Variants in TRDN observed in about 807,000 individuals in gnomAD.
The protein encoded by TRDN is triadin in skeletal muscle.
Under a neutral mutation model 149.7 loss-of-function variants are expected in TRDN, and 161 were observed. The ratio of observed to expected loss-of-function variants is 1.08; its 90% CI spans 0.95 to 1.23. The LOEUF (loss-of-function observed/expected upper bound fraction) is 1.23. TRDN is among the 50% of genes most tolerant of loss of function. The pLI is 0.00. For missense variants in TRDN, 896 were observed against 823.5 expected (o/e 1.09, Z -1.08); for synonymous variants, 294 against 250.5 (o/e 1.17, Z -1.64).
At chr6:123,304,442 T>C (rs1280167872) in intron 24 of TRDN, among the ~76,000 whole-genome samples, 2 of 151,784 alleles carry the variant, frequency 1.3e-5, no homozygotes, top group Non-Finnish European at 2.9e-5. Context: ...TTAGTACAGA[T>C]GCAGTTTCAC....
At chr6:123,435,974 AACCAAG>A (rs1188515725) in intron 12 of TRDN, among the ~76,000 whole-genome samples, 1 of 151,808 alleles carries the variant, frequency 6.6e-6, no homozygotes, top group Non-Finnish European at 1.5e-5. Flanking sequence ...AAAAAGCTAA[AACCAAG>A]CCAAACACAC....
intron 9 of TRDN, among the ~76,000 whole-genome samples, chr6:123,482,994 G>A (rs1656048503): frequency 6.6e-6 from 1 of 151,652 alleles, no homozygotes; most frequent in Non-Finnish European, 1.5e-5. Flanking sequence ...ATTTGGAAGA[G>A]AACACAGTGG....
At chr6:123,384,698 A>G (rs1781842299) in intron 14 of TRDN, among the ~76,000 whole-genome samples, 1 of 152,188 alleles carries the variant, frequency 6.6e-6, no homozygotes, top group Admixed American at 6.5e-5. Context: ...ATAAAACACG[A>G]TATGAAGTCC....
At position 123,442,553 on chromosome 6, in the gene TRDN, A is replaced by G. The variant is rs1482730234; in HGVS notation, c.932-3550T>C. Among the ~76,000 whole-genome samples the G allele has an allele frequency of 3.9e-3, 501 of 127,126 alleles. 32 individuals carry two copies. The East Asian group carries it at 0.16, about 42-fold the overall frequency. The allele number at this position is 127,126 out of a possible 152,430, so 83.4% of individuals were successfully genotyped here. A position where few individuals can be genotyped will look rare whatever the true frequency, so the allele number is the denominator to read the frequency against. On this transcript the variant is annotated intron_variant, in intron 10 of 40. Coordinates refer to ENST00000334268, the MANE Select transcript of TRDN (RefSeq NM_006073.4). ...AGAGCGAGACTCCGTCTCAAAAAAA[A>G]AAAAAAAAGAAAAAAAAAAAAAGTC...
chr6:123,268,028 A>T (rs1234217372), intron 31 of TRDN, among the ~76,000 whole-genome samples: 2 of 152,126 alleles, frequency 1.3e-5, no homozygotes, highest in African/African-American at 4.8e-5. Context: ...AAGAGGATAG[A>T]ATATGGCAAA....
chr6:123,380,136 C>T (rs1333600406), intron 16 of TRDN, among the ~76,000 whole-genome samples: 7 of 152,104 alleles, frequency 4.6e-5, no homozygotes, highest in African/African-American at 1.7e-4. Context: ...TATTTCTTCT[C>T]CTTATTGCTG....
rs1197504661 is a variant in TRDN, at chr6:123,366,125, C to T, written c.1321+10G>A. On this transcript the variant is annotated intron_variant, in intron 20 of 40. Coordinates refer to ENST00000334268, the MANE Select transcript of TRDN (RefSeq NM_006073.4). ...TAGTTATGACATCTTTATCTTTAAG[C>T]TGCATTTACCTTTTTTAATTGAAAC... 1 of 1,608,438 alleles carries T rather than the reference C, an allele frequency of 6.2e-7. No individual in the cohort carries two copies. The highest frequency in any genetic ancestry group is 1.3e-5 in the African/African-American group (1 of 74,914).
In TRDN at chr6:123,497,208, C is replaced by T; in HGVS notation, c.838G>A (p.Gly280Arg). 6.4e-7 allele frequency: 1 copy of T among 1,557,456 alleles called. No individual in the cohort carries two copies. Among genetic ancestry groups the T allele is most frequent in the South Asian group, 1.2e-5 (1 of 82,982 alleles). Reference protein sequence around the residue: ...CRYMIDIFVHGDLKPGQSPAI... With the variant: ...CRYMIDIFVHRDLKPGQSPAI... ...CTTGGAATACCTGGTTTTAAATCCC[C>T]ATGGACAAATATGTCAATCATATAT... Residue 280 changes from glycine (G) to arginine (R), a missense_variant, in exon 9 of 41, where the codon GGG (glycine) becomes AGG (arginine). Gly to Arg is a moderately radical substitution (Grantham distance 125). Coordinates refer to ENST00000334268, the MANE Select transcript of TRDN (RefSeq NM_006073.4).
At chr6:123,616,823 G>C (rs1337942248) in intron 1 of TRDN, among the ~76,000 whole-genome samples, 2 of 151,630 alleles carry the variant, frequency 1.3e-5, no homozygotes, top group Admixed American at 1.3e-4. Flanking sequence ...ATATCTTCTT[G>C]TATCCCACAT....
intron 4 of TRDN, among the ~76,000 whole-genome samples, chr6:123,547,023 T>C (rs1039445658): frequency 6.6e-6 from 1 of 152,108 alleles, no homozygotes; most frequent in Non-Finnish European, 1.5e-5. Context: ...GAATAAATCA[T>C]GGGTGTCATT....
chr6:123,614,944 T>C (rs1198003357), intron 1 of TRDN, among the ~76,000 whole-genome samples: 1 of 151,870 alleles, frequency 6.6e-6, no homozygotes, highest in Non-Finnish European at 1.5e-5. Context: ...ACTCAAACAA[T>C]AGCAAAAACA....
intron 12 of TRDN, among the ~76,000 whole-genome samples, chr6:123,397,873 GA>G (rs1772798567): frequency 1.3e-5 from 2 of 152,182 alleles, no homozygotes; most frequent in Non-Finnish European, 2.9e-5. Context: ...GAGCATGTTT[GA>G]GATAAACATT....
intron 9 of TRDN, among the ~76,000 whole-genome samples, chr6:123,485,737 C>G (rs1397863832): frequency 6.6e-6 from 1 of 151,974 alleles, no homozygotes; most frequent in Non-Finnish European, 1.5e-5. Context: ...TACATTAACC[C>G]TATAAAGTTA....
intron 24 of TRDN, among the ~76,000 whole-genome samples, chr6:123,296,961 A>C (rs930863358): frequency 1.3e-5 from 2 of 152,108 alleles, no homozygotes; most frequent in African/African-American, 4.8e-5. Context: ...AAGTGACCTG[A>C]TAGATAAGAA....
Position 123,579,007 on chromosome 6 carries a change from G to T in TRDN, c.23-7875C>A, listed in dbSNP as rs1189606448. On this transcript the variant is annotated intron_variant, in intron 1 of 40. Coordinates refer to ENST00000334268, the MANE Select transcript of TRDN (RefSeq NM_006073.4). ...ATTTTTGTACATTACTTTGTATTCT[G>T]ACATTTTGCTGAAGTTGTTTATCAG... Among the ~76,000 whole-genome samples the T allele has an allele frequency of 2.6e-5, 4 of 152,234 alleles. No individual in the cohort carries two copies. In the East Asian group the frequency reaches 7.7e-4, roughly 29 times the overall value.
At chr6:123,497,510 T>C (rs543730969) in intron 8 of TRDN, among the ~76,000 whole-genome samples, 2 of 152,298 alleles carry the variant, frequency 1.3e-5, no homozygotes, top group East Asian at 1.9e-4. Context: ...CTTATAGTGG[T>C]TGTTTTCAAA....
chr6:123,430,539 GC>G (rs1446915758), intron 12 of TRDN, among the ~76,000 whole-genome samples: 1 of 151,786 alleles, frequency 6.6e-6, no homozygotes, highest in Non-Finnish European at 1.5e-5. Context: ...CCGAGATCGC[GC>G]CACTGCACTC....
intron 22 of TRDN, among the ~76,000 whole-genome samples, chr6:123,337,136 A>G (rs903947933): frequency 6.6e-6 from 1 of 152,042 alleles, no homozygotes; most frequent in Non-Finnish European, 1.5e-5. Flanking sequence ...TATGCCTCAG[A>G]GCATTTGAAA....
At chr6:123,416,925 G>A (rs1233315930) in intron 12 of TRDN, among the ~76,000 whole-genome samples, 1 of 152,064 alleles carries the variant, frequency 6.6e-6, no homozygotes, top group Non-Finnish European at 1.5e-5. Context: ...CTGGACTTGA[G>A]CTCCTGACCT....
Sources: gnomAD v4.1 joint callset for allele counts (sites outside exome capture counted in the v4.1 genomes callset) on GRCh38, gnomAD v4.1.1 for gene constraint, MANE v1.5 for transcripts, NCBI Gene and HGNC (gene_info 2026-07-23, HGNC 2026-07-21) for gene names.